FSHR: variants seen among roughly 807,000 people sequenced by gnomAD.
FSHR encodes the protein follicle-stimulating hormone receptor.
In FSHR, 46 loss-of-function variants were observed where a neutral mutation model predicts 52.1. The ratio of observed to expected loss-of-function variants is 0.88; its 90% CI spans 0.70 to 1.13. FSHR has a LOEUF of 1.13. FSHR is among the 50% of genes most tolerant of loss of function. The pLI, the probability that FSHR is intolerant of heterozygous loss-of-function variation, is 0.00. For synonymous variants in FSHR, 399 were observed against 309.6 expected (o/e 1.29, Z -3.03); for missense variants, 964 against 834.6 (o/e 1.16, Z -1.91).
At chr2:49,016,217 A>G (rs1294242753) in intron 4 of FSHR, among the ~76,000 whole-genome samples, 1 of 152,190 alleles carries the variant, frequency 6.6e-6, no homozygotes, top group Non-Finnish European at 1.5e-5. Flanking sequence ...GCGTAGTACA[A>G]AAATGTTTAA....
intron 2 of FSHR, among the ~76,000 whole-genome samples, chr2:49,038,359 C>A (rs1420766871): frequency 6.6e-5 from 10 of 152,038 alleles, no homozygotes; most frequent in African/African-American, 2.4e-4. Flanking sequence ...CAGTGGCTCA[C>A]GCCTGTAATC....
chr2:49,036,324 T>C (rs1246898716), intron 2 of FSHR, among the ~76,000 whole-genome samples: 1 of 152,136 alleles, frequency 6.6e-6, no homozygotes, highest in African/African-American at 2.4e-5. Context: ...TTGATCTGTG[T>C]TTCATCATCT....
rs562643738 is a variant in FSHR, at chr2:48,980,807, G to A, written c.668+2105C>T. The stretch of plus-strand genomic sequence containing the variant: ...ATCTTTAACAGATCACTCTCCTCTG[G>A]GTTCTGATTTCTTCAGTTGGATAAT... On this transcript the variant is annotated intron_variant, in intron 8 of 9. Transcript: ENST00000406846. Among the ~76,000 whole-genome samples the A allele has an allele frequency of 5.3e-5, 8 of 152,094 alleles. No homozygotes were observed. In the South Asian group the frequency reaches 1.5e-3, roughly 28 times the overall value.
At chr2:49,003,895 C>T (rs764208620) in intron 4 of FSHR, among the ~76,000 whole-genome samples, 16 of 152,050 alleles carry the variant, frequency 1.1e-4, no homozygotes, top group Non-Finnish European at 1.9e-4. Context: ...GGCCCATCCC[C>T]ATGGAGATGG....
intron 1 of FSHR, among the ~76,000 whole-genome samples, chr2:49,076,547 G>T (rs1469116139): frequency 6.6e-6 from 1 of 151,852 alleles, no homozygotes; most frequent in African/African-American, 2.4e-5. Context: ...TCTGCCCCTG[G>T]CCCCTCCCAA....
chr2:49,027,272 G>A (rs1015876315), intron 2 of FSHR, among the ~76,000 whole-genome samples: 8 of 152,094 alleles, frequency 5.3e-5, no homozygotes, highest in South Asian at 2.1e-4. Context: ...CTTAACAGCC[G>A]TGTGGTGACT....
At chr2:49,069,719 C>A (rs950565672) in intron 1 of FSHR, among the ~76,000 whole-genome samples, 1 of 152,044 alleles carries the variant, frequency 6.6e-6, no homozygotes, top group Non-Finnish European at 1.5e-5. Flanking sequence ...TACAAGTGAC[C>A]CTTTGAAAAT....
chr2:49,005,122 A>G (rs1667033378), intron 4 of FSHR, among the ~76,000 whole-genome samples: 2 of 152,148 alleles, frequency 1.3e-5, no homozygotes, highest in African/African-American at 4.8e-5. Context: ...TTGATGGATC[A>G]AGTGATCTCT....
chr2:49,009,439 A>G (rs979150861), intron 4 of FSHR, among the ~76,000 whole-genome samples: 3 of 150,640 alleles, frequency 2.0e-5, no homozygotes, highest in African/African-American at 4.9e-5. Flanking sequence ...GCCTTGTAGT[A>G]TAGTTTGAAG....
At chr2:49,008,471 A>C (rs1364542390) in intron 4 of FSHR, among the ~76,000 whole-genome samples, 1 of 151,970 alleles carries the variant, frequency 6.6e-6, no homozygotes, top group Admixed American at 6.6e-5. Flanking sequence ...ATTGTGAATA[A>C]TGCCGCAATA....
chr2:49,013,299 A>ATGG (rs907591925), intron 4 of FSHR, among the ~76,000 whole-genome samples: 2 of 151,600 alleles, frequency 1.3e-5, no homozygotes, highest in Non-Finnish European at 2.9e-5. Context: ...GTATTTTGTT[A>ATGG]TGGTAGCCCA....
chr2:49,073,739 T>C lies in FSHR; in HGVS notation c.153-5449A>G, dbSNP rs1040010210. Among the ~76,000 whole-genome samples the C allele has an allele frequency of 2.0e-5, 3 of 152,206 alleles. No individual in the cohort carries two copies. The South Asian group carries it at 6.2e-4, about 32-fold the overall frequency. The stretch of plus-strand genomic sequence containing the variant: ...AAGATACTGAATAACCAAAGCATTC[T>C]AAGCAAAAAGAACAAAATTATATGC... On this transcript the variant is annotated intron_variant, in intron 1 of 9. Transcript: ENST00000406846.
intron 1 of FSHR, among the ~76,000 whole-genome samples, chr2:49,091,011 A>G (rs368119045): frequency 2.6e-5 from 4 of 151,738 alleles, no homozygotes; most frequent in African/African-American, 9.7e-5. Flanking sequence ...TACTAGATAG[A>G]AGTCCTTTTT....
intron 2 of FSHR, among the ~76,000 whole-genome samples, chr2:49,052,537 T>G (rs1226002669): frequency 1.3e-5 from 2 of 152,174 alleles, no homozygotes; most frequent in South Asian, 2.1e-4. Flanking sequence ...AAGTGATACT[T>G]GGGTGTGTAC....
intron 4 of FSHR, among the ~76,000 whole-genome samples, chr2:49,007,775 G>C (rs1667121835): frequency 6.6e-6 from 1 of 152,090 alleles, no homozygotes; most frequent in Non-Finnish European, 1.5e-5. Flanking sequence ...CATCAAATCA[G>C]AAACATTTAT....
At chr2:49,018,649 C>T (rs890246321) in intron 3 of FSHR, among the ~76,000 whole-genome samples, 3 of 151,996 alleles carry the variant, frequency 2.0e-5, no homozygotes, top group African/African-American at 7.3e-5. Flanking sequence ...CCAACTAGAC[C>T]AAGTGGAAAG....
At chr2:49,144,391 C>G (rs1182402110) in intron 1 of FSHR, among the ~76,000 whole-genome samples, 1 of 152,130 alleles carries the variant, frequency 6.6e-6, no homozygotes, top group Admixed American at 6.6e-5. Flanking sequence ...ACTATTTGCA[C>G]TTCTTTCCCC....
At chr2:48,997,846 G>T (rs1406646140) in intron 4 of FSHR, among the ~76,000 whole-genome samples, 1 of 152,096 alleles carries the variant, frequency 6.6e-6, no homozygotes, top group East Asian at 1.9e-4. Context: ...TGACACTTCA[G>T]TAGGCTGGTC....
intron 1 of FSHR, among the ~76,000 whole-genome samples, chr2:49,150,228 C>T (rs1024577297): frequency 6.6e-6 from 1 of 151,910 alleles, no homozygotes; most frequent in Admixed American, 6.6e-5. Flanking sequence ...ATATGGACAG[C>T]GTTAAGGGAC....
Sources: allele counts gnomAD v4.1 joint callset (sites outside exome capture counted in the v4.1 genomes callset), GRCh38; gene constraint gnomAD v4.1.1; transcripts MANE v1.5; gene names NCBI Gene and HGNC (gene_info 2026-07-23, HGNC 2026-07-21).